ADAM28: variants seen among roughly 807,000 people sequenced by gnomAD.
ADAM28 encodes the protein ADAM metallopeptidase domain 28, also known as disintegrin and metalloproteinase domain-containing protein 28.
In ADAM28, 105 loss-of-function variants were observed where a neutral mutation model predicts 101.2. The observed-to-expected ratio is 1.04, with a 90% CI of 0.89 to 1.22. ADAM28 has a LOEUF of 1.22. Ranked by LOEUF, ADAM28 falls within the 50% of genes most tolerant of loss-of-function variation. The pLI, the probability that ADAM28 is intolerant of heterozygous loss-of-function variation, is 0.00. For synonymous variants in ADAM28, 322 were observed against 310.6 expected (o/e 1.04, Z -0.39); for missense variants, 1,028 against 945.4 (o/e 1.09, Z -1.15).
At chr8:24,314,534 C>G (rs533301080) in intron 6 of ADAM28, among the ~76,000 whole-genome samples, 1 of 151,978 alleles carries the variant, frequency 6.6e-6, no homozygotes, top group South Asian at 2.1e-4. Context: ...TTTAAATGTT[C>G]TCAGAGTCTG....
At position 24,321,268 on chromosome 8, in the gene ADAM28, G is replaced by C. The variant is rs1485957916; in HGVS notation, c.699G>C (p.Glu233Asp). The C allele has an allele frequency of 6.2e-7, 1 of 1,607,506 alleles. No homozygotes were observed. Among genetic ancestry groups the C allele is most frequent in the East Asian group, 2.2e-5 (1 of 44,778 alleles). The change falls in exon 8 of 23, where the codon GAG becomes GAC. Residue 233 changes from glutamate to aspartate, a missense_variant. Physicochemically the swap from Glu to Asp is conservative, Grantham distance 45 (BLOSUM62 2). Transcript: ENST00000265769. The stretch of plus-strand genomic sequence containing the variant: ...ATGAGATCAGAAAGAGGGTATTTGA[G>C]ATGGCTAATTATGTCAACATGGTAA... Reference protein sequence around the residue: ...NQDEIRKRVFEMANYVNMLYK... With the variant: ...NQDEIRKRVFDMANYVNMLYK...
intron 10 of ADAM28, among the ~76,000 whole-genome samples, chr8:24,327,055 G>T (rs1222175102): frequency 2.0e-5 from 3 of 152,038 alleles, no homozygotes; most frequent in Non-Finnish European, 1.5e-5. Context: ...GGGCAATCAG[G>T]CAAGAGAAAG....
chr8:24,319,231 G>A (rs542106457), intron 6 of ADAM28, among the ~76,000 whole-genome samples: 4 of 151,228 alleles, frequency 2.6e-5, no homozygotes, highest in South Asian at 2.1e-4. Flanking sequence ...TCTCATTTTC[G>A]TTAATACATC....
chr8:24,313,554 A>T lies in ADAM28; in HGVS notation c.550A>T (p.Ile184Phe), dbSNP rs1810757296. The T allele has an allele frequency of 4.3e-6, 7 of 1,613,558 alleles. No homozygotes were observed. Among genetic ancestry groups the T allele is most frequent in the African/African-American group, 1.3e-5 (1 of 74,872 alleles). ...GTGGGCCCACGATTTGCAGCAGAAC[A>T]TTGCCCTACCTGCCACCAAACTAGT... is the stretch of plus-strand genomic sequence containing the variant. Reference protein sequence around the residue: ...VLWAHDLQQNIALPATKLVKL... With the variant: ...VLWAHDLQQNFALPATKLVKL... Residue 184 changes from isoleucine to phenylalanine, a missense_variant, in exon 6 of 23, where the codon ATT becomes TTT. By Grantham distance (21) the Ile-to-Phe change is conservative. Coordinates refer to ENST00000265769, the MANE Select transcript of ADAM28 (RefSeq NM_014265.6).
chr8:24,309,801 T>C (rs1694792339), intron 2 of ADAM28, 93 bp from the exon 3 acceptor site: 2 of 949,366 alleles, frequency 2.1e-6, no homozygotes, highest in Non-Finnish European at 3.2e-6. Context: ...TGCTAAAAAA[T>C]AGATATTGCT....
chr8:24,308,022 C>A (rs911232525), intron 2 of ADAM28, among the ~76,000 whole-genome samples: 1 of 152,206 alleles, frequency 6.6e-6, no homozygotes, highest in African/African-American at 2.4e-5. Flanking sequence ...TACAGATTTG[C>A]TCCATCCCAG....
At chr8:24,331,860 T>G (rs770922125) in intron 12 of ADAM28, among the ~76,000 whole-genome samples, 1 of 152,162 alleles carries the variant, frequency 6.6e-6, no homozygotes, top group Non-Finnish European at 1.5e-5. Flanking sequence ...CCTGACCCTC[T>G]TCACAGGGCA....
Position 24,354,541 on chromosome 8 carries a change from T to A in ADAM28, c.*137T>A, listed in dbSNP as rs74428146. 4.2e-3 allele frequency: 4,372 copies of A among 1,052,514 alleles called. 152 individuals are homozygous for A. The African/African-American group carries it at 0.066, about 16-fold the overall frequency. 65.2% of individuals were successfully genotyped at this position (1,052,514 alleles called of 1,614,324 possible). On this transcript the variant is annotated 3_prime_UTR_variant, in exon 23 of 23. Coordinates refer to ENST00000265769, the MANE Select transcript of ADAM28 (RefSeq NM_014265.6). ...AAGGTTAACATTTTCTGATTCATGT[T>A]AGACTTTGAAGAGACTAAAGAAAAT...
At chr8:24,305,363 T>C (rs200248251) in intron 2 of ADAM28, among the ~76,000 whole-genome samples, 3 of 145,454 alleles carry the variant, frequency 2.1e-5, no homozygotes, top group African/African-American at 5.6e-5. Context: ...CAAGTGTGTG[T>C]ATGTGTGTGT....
intron 2 of ADAM28, among the ~76,000 whole-genome samples, chr8:24,306,007 G>T (rs1809558080): frequency 6.6e-6 from 1 of 152,106 alleles, no homozygotes; most frequent in South Asian, 2.1e-4. Context: ...GCATGACAGG[G>T]TTGCCAGATG....
intron 1 of ADAM28, 135 bp downstream of exon 1, chr8:24,294,330 G>A: frequency 9.6e-7 from 1 of 1,039,972 alleles, no homozygotes; most frequent in Non-Finnish European, 1.4e-6. Context: ...CTAACCAGTT[G>A]GGCTGGTTTT....
At chr8:24,352,988 C>T (rs1283082694) in intron 21 of ADAM28, among the ~76,000 whole-genome samples, 2 of 152,204 alleles carry the variant, frequency 1.3e-5, no homozygotes, top group South Asian at 2.1e-4. Flanking sequence ...ATACTGTCTC[C>T]ACATCCATCG....
chr8:24,324,717 T>C (rs547420526), intron 9 of ADAM28, among the ~76,000 whole-genome samples: 3 of 152,094 alleles, frequency 2.0e-5, no homozygotes, highest in South Asian at 2.1e-4. Context: ...ACTTACATAA[T>C]TGGTGTGTGG....
intron 2 of ADAM28, among the ~76,000 whole-genome samples, chr8:24,302,743 G>T (rs1265568258): frequency 6.6e-6 from 1 of 152,160 alleles, no homozygotes; most frequent in African/African-American, 2.4e-5. Flanking sequence ...CTTCTTTTGA[G>T]AAGTGTCTGT....
intron 11 of ADAM28, 79 bp from the exon 12 acceptor site, chr8:24,331,071 A>T: frequency 7.2e-7 from 1 of 1,392,296 alleles, no homozygotes; most frequent in Non-Finnish European, 9.7e-7. Flanking sequence ...CCGTGGGTGT[A>T]ATTGTGCCTA....
chr8:24,311,241 T>C, intron 4 of ADAM28, 120 bp from the exon 5 acceptor site: 3 of 663,764 alleles, frequency 4.5e-6, no homozygotes, highest in Non-Finnish European at 7.7e-6. Context: ...TAGTTTACTG[T>C]TGTACAGCAG....
chr8:24,319,677 T>G (rs1811612837), intron 6 of ADAM28, among the ~76,000 whole-genome samples: 2 of 147,696 alleles, frequency 1.4e-5, no homozygotes, highest in African/African-American at 4.9e-5. Flanking sequence ...CTATGTAACT[T>G]TTTTTTTTTT....
chr8:24,324,166 T>G (rs78147963), intron 9 of ADAM28, among the ~76,000 whole-genome samples, 163 bp downstream of exon 9: 1 of 151,552 alleles, frequency 6.6e-6, no homozygotes, highest in Non-Finnish European at 1.5e-5. Context: ...GTATTTTTTT[T>G]AAAAAAAGAG....
At chr8:24,344,802 A>T (rs1815212992) in intron 18 of ADAM28, among the ~76,000 whole-genome samples, 1 of 152,032 alleles carries the variant, frequency 6.6e-6, no homozygotes, top group Non-Finnish European at 1.5e-5. Context: ...ATATCTATTG[A>T]TTTGCTAAGT....
Sources: gnomAD v4.1 joint callset for allele counts (sites outside exome capture counted in the v4.1 genomes callset) on GRCh38, gnomAD v4.1.1 for gene constraint, MANE v1.5 for transcripts, NCBI Gene and HGNC (gene_info 2026-07-23, HGNC 2026-07-21) for gene names.